The following SETDB2 variants were observed in gnomAD, a reference collection of about 807,000 sequenced individuals.
SETDB2 encodes the protein histone-lysine N-methyltransferase SETDB2.
A neutral mutation model predicts 82.5 loss-of-function variants in SETDB2; 56 were observed. The observed-to-expected ratio is 0.68, with a 90% CI of 0.55 to 0.85. The LOEUF (loss-of-function observed/expected upper bound fraction) is 0.85, where lower values mean the gene tolerates loss of function less well. Ranked by LOEUF, SETDB2 falls within the 40% of genes least tolerant of loss-of-function variation. The probability of loss-of-function intolerance (pLI) is 0.00; values close to 1 mark genes in which losing one functional copy is unlikely to be tolerated. For missense variants in SETDB2, 677 were observed against 816.4 expected, an observed-to-expected ratio of 0.83 and a Z score of 2.08; for synonymous variants, 272 against 284.9, an observed-to-expected ratio of 0.95 and a Z score of 0.46.
intron 5 of SETDB2, among the ~76,000 whole-genome samples, chr13:49,474,959 G>A (rs1046466155): frequency 6.6e-6 from 1 of 152,206 alleles, no homozygotes; most frequent in African/African-American, 2.4e-5. Context: ...TTCTATCAAT[G>A]GAGGAAGTTT....
At chr13:49,459,973 C>A in intron 2 of SETDB2, 134 bp from the exon 3 acceptor site, 1 of 768,028 alleles carries the variant, frequency 1.3e-6, no homozygotes, top group South Asian at 2.6e-5. Context: ...AAAATATTTT[C>A]CTCAAGGAAA....
chr13:49,478,173 C>T (rs1003425378), intron 6 of SETDB2, among the ~76,000 whole-genome samples: 1 of 152,200 alleles, frequency 6.6e-6, no homozygotes, highest in African/African-American at 2.4e-5. Context: ...CTCAGTTTGG[C>T]TCAGTTCCTT....
Position 49,493,412 on chromosome 13 carries a change from G to C in SETDB2, c.*1563G>C, listed in dbSNP as rs926037225. On this transcript the variant is annotated 3_prime_UTR_variant, in exon 14 of 14. Coordinates refer to ENST00000611815, the MANE Select transcript of SETDB2 (RefSeq NM_001160308.3). ...TTTAGAAATATGAGGTATTCTGTCA[G>C]TTTTATCTTCTTGGAGAAATTTCTC... 3.3e-5 allele frequency: 5 copies of C among 152,166 alleles called. No homozygotes were observed. The highest frequency in any genetic ancestry group is 1.2e-4 in the African/African-American group (5 of 41,438). The allele number at this position is 152,166 out of a possible 1,614,324, so 9.4% of individuals were successfully genotyped here. A position where few individuals can be genotyped will look rare whatever the true frequency, so the allele number is the denominator to read the frequency against.
intron 4 of SETDB2, among the ~76,000 whole-genome samples, chr13:49,464,238 A>C (rs373950865): frequency 1.3e-5 from 2 of 152,240 alleles, no homozygotes; most frequent in South Asian, 4.1e-4. Flanking sequence ...AGATGAAATC[A>C]TTCCTGGTTG....
chr13:49,470,281 T>A (rs1180291889), intron 5 of SETDB2, among the ~76,000 whole-genome samples: 1 of 152,164 alleles, frequency 6.6e-6, no homozygotes, highest in Non-Finnish European at 1.5e-5. Context: ...AACTTTTGAG[T>A]TGAGCATTCT....
chr13:49,488,351 G>T lies in SETDB2; in HGVS notation c.1638G>T (p.Val546=). ...ATAATCTGCTGATTGAATCAGATGT[G>T]ATAGATATAACTAAATATAGAGAAG... ...FEDNLLIESD[V]IDITKYREET... The change falls in exon 12 of 14, where the codon GTG becomes GTT. Residue 546 remains valine (V), a synonymous_variant. Transcript: ENST00000611815. 6.2e-7 allele frequency: 1 copy of T among 1,610,006 alleles called. No individual in the cohort carries two copies. The highest frequency in any genetic ancestry group is 8.5e-7 in the Non-Finnish European group (1 of 1,179,118).
intron 8 of SETDB2, chr13:49,482,402 A>G: frequency 1.2e-6 from 1 of 809,578 alleles, no homozygotes; most frequent in South Asian, 5.7e-5. Context: ...TAGACATAAA[A>G]GCTACAATTT....
intron 4 of SETDB2, 26 bp downstream of exon 4, chr13:49,461,188 A>G (rs752906921): frequency 6.7e-7 from 1 of 1,491,740 alleles, no homozygotes; most frequent in South Asian, 1.2e-5. Flanking sequence ...TTCCCATTGT[A>G]GAGTATTCTC....
In SETDB2 at chr13:49,480,263, C is replaced by A; in HGVS notation, c.914C>A (p.Thr305Asn). Reference sequence around the variant, plus strand: ...CAACTGACAGCAAGGAATGCCAAAACTTCCCCCTTGTCAAGTGACAAAATA... The same window carrying A: ...CAACTGACAGCAAGGAATGCCAAAAATTCCCCCTTGTCAAGTGACAAAATA... ...CLQLTARNAK[T>N]SPLSSDKITT... The change falls in exon 7 of 14, where the codon ACT becomes AAT. Residue 305 changes from threonine to asparagine, a missense_variant. Transcript: ENST00000611815. The A allele has an allele frequency of 3.1e-6, 5 of 1,611,830 alleles. No individual in the cohort carries two copies. Among genetic ancestry groups the A allele is most frequent in the Non-Finnish European group, 4.2e-6 (5 of 1,179,330 alleles).
chr13:49,475,817 C>G (rs1343778435), intron 5 of SETDB2, among the ~76,000 whole-genome samples: 1 of 151,666 alleles, frequency 6.6e-6, no homozygotes, highest in African/African-American at 2.4e-5. Context: ...TTAATAACCA[C>G]CCCATTTTCT....
Position 49,491,870 on chromosome 13 carries a change from T to A in SETDB2, c.*21T>A, listed in dbSNP as rs1481400889. 9.3e-6 allele frequency: 14 copies of A among 1,504,006 alleles called. No individual in the cohort carries two copies. Among genetic ancestry groups the A allele is most frequent in the Non-Finnish European group, 1.3e-5 (14 of 1,080,588 alleles). 93.2% of individuals were successfully genotyped at this position (1,504,006 alleles called of 1,614,324 possible). On this transcript the variant is annotated 3_prime_UTR_variant, in exon 14 of 14. Transcript: ENST00000611815. ...TATAAATATGTAACTAACGCCTGTTTGTGAAATTAGCTTATCAGGCTGAAA... is the reference window on the plus strand; with the variant it reads ...TATAAATATGTAACTAACGCCTGTTAGTGAAATTAGCTTATCAGGCTGAAA...
rs1958640669 is a variant in SETDB2 at position 49,488,571 on chromosome 13, A to G, written c.1858A>G (p.Lys620Glu). 2 of 1,611,696 alleles carry G rather than the reference A, an allele frequency of 1.2e-6. No individual in the cohort carries two copies. Among genetic ancestry groups the G allele is most frequent in the Non-Finnish European group, 1.7e-6 (2 of 1,179,304 alleles). The change falls in exon 12 of 14, where the codon AAA (lysine) becomes GAA (glutamate). Residue 620 changes from lysine (K) to glutamate (E), a missense_variant. Lys to Glu is a moderately conservative substitution (Grantham distance 56, BLOSUM62 1). Around this residue, in one of 3 missense-constraint regions of SETDB2, gnomAD observed 420 missense variants for 554.6 expected, o/e 0.76. Coordinates refer to ENST00000611815, the MANE Select transcript of SETDB2 (RefSeq NM_001160308.3). ...ATCTGATTCTCTAACAAAGTTCAAT[A>G]AAGGGAATGTGTTTTTATTGGATGC... ...TSSDSLTKFN[K>E]GNVFLLDATK...
At chr13:49,446,982 C>G (rs1003311204) in intron 1 of SETDB2, among the ~76,000 whole-genome samples, 3 of 152,098 alleles carry the variant, frequency 2.0e-5, no homozygotes, top group African/African-American at 7.2e-5. Flanking sequence ...TTTACATGTT[C>G]CACAGGTAGT....
intron 1 of SETDB2, among the ~76,000 whole-genome samples, chr13:49,446,125 AAG>A (rs960656616): frequency 9.2e-5 from 14 of 152,190 alleles, no homozygotes; most frequent in African/African-American, 3.4e-4. Flanking sequence ...ACCTTTCTGG[AAG>A]AGAGTTTGAC....
chr13:49,451,892 A>G lies in SETDB2; in HGVS notation c.-2A>G, dbSNP rs752520168. ...TTTTATATTTATAAGCGACATCAAA[A>G]GATGGGAGAAAAAAATGGTAGGTTG... On this transcript the variant is annotated 5_prime_UTR_variant, in exon 2 of 14. Coordinates refer to ENST00000611815, the MANE Select transcript of SETDB2 (RefSeq NM_001160308.3). The G allele has an allele frequency of 1.3e-6, 2 of 1,598,138 alleles. No individual in the cohort carries two copies. Among genetic ancestry groups the G allele is most frequent in the Admixed American group, 3.4e-5 (2 of 58,714 alleles).
chr13:49,450,869 T>C (rs1957771828), intron 1 of SETDB2, among the ~76,000 whole-genome samples: 1 of 151,696 alleles, frequency 6.6e-6, no homozygotes, highest in Admixed American at 6.6e-5. Context: ...AGTATATTTA[T>C]TTTAGCATTA....
chr13:49,486,310 A>T lies in SETDB2; in HGVS notation c.1576+587A>T, dbSNP rs553245208. ...TAGAACAAGACCCTGTCTCAAAAAAAAAAATAAAATGTAAGTTTTATTGGA... is the reference window on the plus strand; with the variant it reads ...TAGAACAAGACCCTGTCTCAAAAAATAAAATAAAATGTAAGTTTTATTGGA... On this transcript the variant is annotated intron_variant, in intron 11 of 13. Transcript: ENST00000611815. 1.6e-3 allele frequency among the ~76,000 whole-genome samples: 236 copies of T among 151,994 alleles called. 1 individual carries two copies. Among genetic ancestry groups the T allele is most frequent in the African/African-American group, 5.5e-3 (230 of 41,480 alleles).
At chr13:49,486,132 A>G (rs1027890417) in intron 11 of SETDB2, among the ~76,000 whole-genome samples, 9 of 152,054 alleles carry the variant, frequency 5.9e-5, no homozygotes, top group African/African-American at 2.2e-4. Context: ...CAATGTAGCA[A>G]GATCTTGTCT....
chr13:49,461,011 A>G (rs1356591801), intron 3 of SETDB2, 86 bp from the exon 4 acceptor site: 3 of 1,013,092 alleles, frequency 3.0e-6, no homozygotes, highest in Non-Finnish European at 4.5e-6. Flanking sequence ...TGAAGATTAA[A>G]TGAGATAAAA....
Sources: gnomAD v4.1 joint callset for allele counts (sites outside exome capture counted in the v4.1 genomes callset) on GRCh38, gnomAD v4.1.1 for gene constraint, gnomAD v4.1.1 regional missense constraint, MANE v1.5 for transcripts, NCBI Gene and HGNC (gene_info 2026-07-23, HGNC 2026-07-21) for gene names.